OR2T1: variants seen among roughly 807,000 people sequenced by gnomAD.
OR2T1 encodes olfactory receptor family 2 subfamily T member 1, also known as olfactory receptor 2T1.
For synonymous variants in OR2T1, 186 were observed against 145.4 expected (o/e 1.28, Z -2.01); for missense variants, 440 against 390.2 (o/e 1.13, Z -1.07).
Position 248,407,219 on chromosome 1 carries a change from T to A in OR2T1, c.*115T>A. ...GGAGTCATATGATTACAATATTGGTTTTTTGGCTAGGGTTTCTGGTTCATA... is the reference window on the plus strand; with the variant it reads ...GGAGTCATATGATTACAATATTGGTATTTTGGCTAGGGTTTCTGGTTCATA... On this transcript the variant is annotated 3_prime_UTR_variant, in exon 2 of 2. Transcript: ENST00000642005. 2.7e-6 allele frequency: 3 copies of A among 1,114,070 alleles called. No homozygotes were observed. The highest frequency in any genetic ancestry group is 3.8e-6 in the Non-Finnish European group (3 of 787,388). 69.0% of individuals were successfully genotyped at this position (1,114,070 alleles called of 1,614,324 possible).
Position 248,407,527 on chromosome 1 carries a change from C to T in OR2T1, c.*423C>T, listed in dbSNP as rs762007893. The T allele has an allele frequency of 8.1e-5, 14 of 172,864 alleles. No individual in the cohort carries two copies. Among genetic ancestry groups the T allele is most frequent in the Non-Finnish European group, 1.7e-4 (14 of 82,544 alleles). The allele number at this position is 172,864 out of a possible 1,614,324, so 10.7% of individuals were successfully genotyped here. ...GCCAAGAAAAATCCGATCAGACAGG[C>T]CTTCGTGGGTGTCCCCACTCACTCT... On this transcript the variant is annotated 3_prime_UTR_variant, in exon 2 of 2. Transcript: ENST00000642005.
rs762890798 is a variant in OR2T1 at position 248,406,663 on chromosome 1, G to C, written c.516G>C (p.Glu172Asp). Reference protein sequence around the residue: ...TMSFPFCNSREINHFFCEAPA... With the variant: ...TMSFPFCNSRDINHFFCEAPA... ...GCTTTCCCTTCTGCAATTCCCGGGA[G>C]ATTAACCACTTCTTCTGTGAGGCAC... is the stretch of plus-strand genomic sequence containing the variant. Residue 172 changes from glutamate (E) to aspartate (D), a missense_variant, in exon 2 of 2, where the codon GAG becomes GAC. Glu to Asp is a conservative substitution (Grantham distance 45). Coordinates refer to ENST00000642005, the MANE Select transcript of OR2T1 (RefSeq NM_030904.2). The C allele has an allele frequency of 1.2e-6, 2 of 1,614,116 alleles. No homozygotes were observed. Among genetic ancestry groups the C allele is most frequent in the Admixed American group, 3.3e-5 (2 of 60,014 alleles).
intron 1 of OR2T1, among the ~76,000 whole-genome samples, chr1:248,403,963 T>C (rs1436435521): frequency 6.6e-6 from 1 of 151,660 alleles, no homozygotes; most frequent in African/African-American, 2.4e-5. Flanking sequence ...TATATACATA[T>C]ATAAATCTAT....
At chr1:248,403,960 A>G (rs976742900) in intron 1 of OR2T1, among the ~76,000 whole-genome samples, 1 of 151,818 alleles carries the variant, frequency 6.6e-6, no homozygotes, top group Admixed American at 6.6e-5. Flanking sequence ...ACATATATAC[A>G]TATATAAATC....
chr1:248,406,609 T>G lies in OR2T1; in HGVS notation c.462T>G (p.Asp154Glu), dbSNP rs752557635. ...IAGSWFGGSL[D>E]GFLLTPITMS... Reference sequence around the variant, plus strand: ...GTTCCTGGTTTGGGGGCTCTTTGGATGGCTTCCTCCTAACCCCCATCACCA... The same window carrying G: ...GTTCCTGGTTTGGGGGCTCTTTGGAGGGCTTCCTCCTAACCCCCATCACCA... The change falls in exon 2 of 2, where the codon GAT (aspartate) becomes GAG (glutamate). Residue 154 changes from aspartate to glutamate, a missense_variant. Transcript: ENST00000642005. 1 of 1,614,178 alleles carries G rather than the reference T, an allele frequency of 6.2e-7. No homozygotes were observed. Among genetic ancestry groups the G allele is most frequent in the Non-Finnish European group, 8.5e-7 (1 of 1,180,012 alleles).
intron 1 of OR2T1, 103 bp from the exon 2 acceptor site, chr1:248,406,011 AT>A (rs1661546070): frequency 4.4e-6 from 7 of 1,608,764 alleles, no homozygotes; most frequent in Non-Finnish European, 4.2e-6. Context: ...CAAGAATACT[AT>A]TTTTTAAATG....
rs746815725 is a variant in OR2T1, at chr1:248,406,483, C to T, written c.336C>T (p.Phe112=). The T allele has an allele frequency of 1.2e-6, 2 of 1,614,140 alleles. No individual in the cohort carries two copies. The highest frequency in any genetic ancestry group is 1.7e-6 in the Non-Finnish European group (2 of 1,180,014). ...TTACCCTTGTGGGAGCTGAATTCTTCCTGCTGGGCCTCATGGCCTATGACC... is the reference window on the plus strand; with the variant it reads ...TTACCCTTGTGGGAGCTGAATTCTTTCTGCTGGGCCTCATGGCCTATGACC... ...LYLTLVGAEF[F]LLGLMAYDRY... The change falls in exon 2 of 2, where the codon TTC becomes TTT. Residue 112 remains phenylalanine (F), a synonymous_variant. Coordinates refer to ENST00000642005, the MANE Select transcript of OR2T1 (RefSeq NM_030904.2).
At position 248,404,388 on chromosome 1, in the gene OR2T1, A is replaced by G. The variant is rs181638653; in HGVS notation, c.-34+1143A>G. On this transcript the variant is annotated intron_variant, in intron 1 of 1. Coordinates refer to ENST00000642005, the MANE Select transcript of OR2T1 (RefSeq NM_030904.2). ...ATATTTAGGCTGCGACATAAACTGGAGAGGAGTTTCCCTTTAGAAATATAT... is the reference window on the plus strand; with the variant it reads ...ATATTTAGGCTGCGACATAAACTGGGGAGGAGTTTCCCTTTAGAAATATAT... Among the ~76,000 whole-genome samples the G allele has an allele frequency of 3.6e-4, 55 of 152,040 alleles. 1 individual carries two copies. The highest frequency in any genetic ancestry group is 1.6e-4 in the Non-Finnish European group (11 of 67,988).
Position 248,406,583 on chromosome 1 carries a change from G to A in OR2T1, c.436G>A (p.Gly146Ser). The change falls in exon 2 of 2, where the codon GGT becomes AGT. Residue 146 changes from glycine to serine, a missense_variant. By Grantham distance (56) the Gly-to-Ser change is moderately conservative (BLOSUM62 0). Coordinates refer to ENST00000642005, the MANE Select transcript of OR2T1 (RefSeq NM_030904.2). ...SRRVCWMIIA[G>S]SWFGGSLDGF... ...CCGGGTCTGTTGGATGATTATAGCA[G>A]GTTCCTGGTTTGGGGGCTCTTTGGA... The A allele has an allele frequency of 1.2e-6, 2 of 1,614,138 alleles. No homozygotes were observed. Among genetic ancestry groups the A allele is most frequent in the Non-Finnish European group, 8.5e-7 (1 of 1,180,018 alleles).
At chr1:248,405,845 C>T (rs1369511497) in intron 1 of OR2T1, 2 of 683,148 alleles carry the variant, frequency 2.9e-6, no homozygotes, top group East Asian at 2.7e-5. Flanking sequence ...GCATGGTATG[C>T]AACCTTAGGC....
chr1:248,406,522 T>A lies in OR2T1; in HGVS notation c.375T>A (p.Ile125=). The A allele has an allele frequency of 1.2e-6, 2 of 1,614,138 alleles. No individual in the cohort carries two copies. The highest frequency in any genetic ancestry group is 2.2e-5 in the South Asian group (2 of 91,076). Residue 125 remains isoleucine (I), a synonymous_variant, in exon 2 of 2, where the codon ATT becomes ATA. Coordinates refer to ENST00000642005, the MANE Select transcript of OR2T1 (RefSeq NM_030904.2). ...GLMAYDRYVA[I]CNPLRYPVLM... is the part of the protein sequence containing the mutation. ...TGGCCTATGACCGCTATGTGGCCATTTGCAACCCTCTGAGATACCCTGTCC... is the reference window on the plus strand; with the variant it reads ...TGGCCTATGACCGCTATGTGGCCATATGCAACCCTCTGAGATACCCTGTCC...
In OR2T1 at chr1:248,406,680, G is replaced by A. The variant is rs763963898; in HGVS notation, c.533G>A (p.Cys178Tyr). 1.2e-6 allele frequency: 2 copies of A among 1,614,098 alleles called. No individual in the cohort carries two copies. The highest frequency in any genetic ancestry group is 2.2e-5 in the South Asian group (2 of 91,070). ...CNSREINHFF[C>Y]EAPAVLKLAC... is the part of the protein sequence containing the mutation. ...TCCCGGGAGATTAACCACTTCTTCT[G>A]TGAGGCACCAGCAGTCCTGAAGTTG... Residue 178 changes from cysteine (C) to tyrosine (Y), a missense_variant, in exon 2 of 2, where the codon TGT becomes TAT. Coordinates refer to ENST00000642005, the MANE Select transcript of OR2T1 (RefSeq NM_030904.2).
rs533756051 is a variant in OR2T1, at chr1:248,407,965, C to T, written c.*861C>T. 1 of 152,294 alleles carries T rather than the reference C, an allele frequency of 6.6e-6. No homozygotes were observed. The highest frequency in any genetic ancestry group is 1.5e-5 in the Non-Finnish European group (1 of 68,084). 9.4% of individuals were successfully genotyped at this position (152,294 alleles called of 1,614,324 possible). On this transcript the variant is annotated 3_prime_UTR_variant, in exon 2 of 2. Coordinates refer to ENST00000642005, the MANE Select transcript of OR2T1 (RefSeq NM_030904.2). Reference sequence around the variant, plus strand: ...CAATCACTTGGTCAAAAGTACAGGACAACTTGGGGCTTTTAATTGGCACTG... The same window carrying T: ...CAATCACTTGGTCAAAAGTACAGGATAACTTGGGGCTTTTAATTGGCACTG...
chr1:248,404,199 T>A, intron 1 of OR2T1, among the ~76,000 whole-genome samples: 1 of 710 alleles, frequency 1.4e-3, no homozygotes, highest in Admixed American at 0.01. Context: ...CATATACGTG[T>A]GTGTGTGTGT....
At chr1:248,404,244 A>AGGCTATTACAAATACGT (rs1558313968) in intron 1 of OR2T1, among the ~76,000 whole-genome samples, 13 of 152,036 alleles carry the variant, frequency 8.6e-5, no homozygotes, top group East Asian at 5.8e-4. Context: ...CAGACAGCAG[A>AGGCTATTACAAATACGT]GACCACTGTT....
rs1661463905 is a variant in OR2T1, at chr1:248,403,051, A to C, written c.-228A>C. 6.6e-6 allele frequency: 1 copy of C among 152,278 alleles called. No homozygotes were observed. The highest frequency in any genetic ancestry group is 2.4e-5 in the African/African-American group (1 of 41,570). The allele number at this position is 152,278 out of a possible 1,614,324, so 9.4% of individuals were successfully genotyped here. On this transcript the variant is annotated 5_prime_UTR_variant, in exon 1 of 2. Transcript: ENST00000642005. ...ATAATTTTCTCAAAATTTGCAGGCC[A>C]AGCATACTTCTGCTCTTCAAAGGCA...
chr1:248,404,155 G>A (rs927731629), intron 1 of OR2T1, among the ~76,000 whole-genome samples: 3 of 22 alleles, frequency 0.14, no homozygotes, highest in African/African-American at 0.21. Context: ...TCATCGGTGA[G>A]TTATACCTCA....
chr1:248,406,348 A>T lies in OR2T1; in HGVS notation c.201A>T (p.Leu67Phe). The T allele has an allele frequency of 2.5e-6, 4 of 1,614,062 alleles. No homozygotes were observed. Among genetic ancestry groups the T allele is most frequent in the Non-Finnish European group, 3.4e-6 (4 of 1,179,996 alleles). ...PMYFLLSHLS[L>F]IDMMYISTIV... ...ACTTCCTCCTCAGCCACCTTTCCTT[A>T]ATTGACATGATGTATATTTCCACTA... is the stretch of plus-strand genomic sequence containing the variant. The change falls in exon 2 of 2, where the codon TTA (leucine) becomes TTT (phenylalanine). Residue 67 changes from leucine (L) to phenylalanine (F), a missense_variant. Leu to Phe is a conservative substitution (Grantham distance 22, BLOSUM62 0). Transcript: ENST00000642005.
At position 248,406,810 on chromosome 1, in the gene OR2T1, G is replaced by A; in HGVS notation, c.663G>A (p.Leu221=). 1 of 1,614,152 alleles carries A rather than the reference G, an allele frequency of 6.2e-7. No individual in the cohort carries two copies. The highest frequency in any genetic ancestry group is 8.5e-7 in the Non-Finnish European group (1 of 1,180,022). ...SVVLASYARI[L]TTVQCMSSVE... ...TCCTTGCTTCCTATGCCCGAATCCT[G>A]ACTACAGTTCAGTGCATGAGCTCAG... Residue 221 remains leucine, a synonymous_variant, in exon 2 of 2, where the codon CTG becomes CTA. Coordinates refer to ENST00000642005, the MANE Select transcript of OR2T1 (RefSeq NM_030904.2).
Sources: allele counts gnomAD v4.1 joint callset (sites outside exome capture counted in the v4.1 genomes callset), GRCh38; gene constraint gnomAD v4.1.1; transcripts MANE v1.5; gene names NCBI Gene and HGNC (gene_info 2026-07-23, HGNC 2026-07-21).